PPP2R5D: variants seen among roughly 807,000 people sequenced by gnomAD.
PPP2R5D encodes protein phosphatase 2 regulatory subunit B'delta, also known as serine/threonine-protein phosphatase 2A 56 kDa regulatory subunit delta isoform.
In PPP2R5D, 12 loss-of-function variants were observed where a neutral mutation model predicts 79.1. The observed-to-expected ratio is 0.15, with a 90% CI of 0.10 to 0.25. The LOEUF (loss-of-function observed/expected upper bound fraction) is 0.25, where lower values mean the gene tolerates loss of function less well. Ranked by LOEUF, PPP2R5D falls within the 10% of genes least tolerant of loss-of-function variation. The pLI, the probability that PPP2R5D is intolerant of heterozygous loss-of-function variation, is 1.00. For synonymous variants in PPP2R5D, 277 were observed against 286.6 expected, an observed-to-expected ratio of 0.97 and a Z score of 0.34; for missense variants, 419 against 760.2, an observed-to-expected ratio of 0.55 and a Z score of 5.28.
chr6:42,984,802 C>A, intron 1 of PPP2R5D, 98 bp downstream of exon 1: 1 of 1,541,726 alleles, frequency 6.5e-7, no homozygotes, highest in Non-Finnish European at 8.7e-7. Context: ...GACTGACCCT[C>A]CCGTCCAGCC....
rs1762290368 is a variant in PPP2R5D, at chr6:43,010,317, C to T, written c.1380-151C>T. The stretch of plus-strand genomic sequence containing the variant: ...CTCAAACCAGGTGATTTGGCCAGAG[C>T]TCTCTTCTGATACTGCACAGAGGTT... On this transcript the variant is annotated intron_variant, in intron 12 of 15. Transcript: ENST00000485511. The surrounding 1 kb of genome is among the most constrained non-coding windows in gnomAD (Gnocchi z 4.7). 1.6e-6 allele frequency: 1 copy of T among 643,444 alleles called. No individual in the cohort carries two copies. The highest frequency in any genetic ancestry group is 2.7e-5 in the Admixed American group (1 of 36,440). The allele number at this position is 643,444 out of a possible 1,614,324, so 39.9% of individuals were successfully genotyped here.
chr6:43,000,233 C>T (rs1011974080), intron 2 of PPP2R5D, among the ~76,000 whole-genome samples: 4 of 106,148 alleles, frequency 3.8e-5, no homozygotes, highest in Non-Finnish European at 7.1e-5. Context: ...CACGTCTGGC[C>T]ACCTTTTTTT....
intron 2 of PPP2R5D, among the ~76,000 whole-genome samples, chr6:42,992,913 C>A (rs1241185240): frequency 6.6e-6 from 1 of 152,190 alleles, no homozygotes. Flanking sequence ...GTAATCCCAG[C>A]ACTTTGGGAG....
At chr6:43,001,836 G>A (rs937854217) in intron 2 of PPP2R5D, among the ~76,000 whole-genome samples, 4 of 150,446 alleles carry the variant, frequency 2.7e-5, no homozygotes, top group African/African-American at 7.4e-5. Context: ...GCAGTGAGCT[G>A]AGATTGCGCC....
intron 2 of PPP2R5D, among the ~76,000 whole-genome samples, chr6:42,997,159 C>G (rs1036308474): frequency 2.0e-5 from 3 of 151,762 alleles, no homozygotes; most frequent in Admixed American, 1.3e-4. Flanking sequence ...CCACGCCCGG[C>G]TAAATTTTGT....
chr6:43,006,790 G>A lies in PPP2R5D; in HGVS notation c.322+111G>A, dbSNP rs1354936391. On this transcript the variant is annotated intron_variant, in intron 3 of 15. Transcript: ENST00000485511. This position sits in a 1 kb window ranked among gnomAD's most constrained non-coding sequence, Gnocchi z 4.7. ...CGGGGAAGGGAGTTCCAGAGAATGC[G>A]GGAAGGGGGTGCCAGGGAGCAGGAT... 9.5e-6 allele frequency: 15 copies of A among 1,571,960 alleles called. No homozygotes were observed. Among genetic ancestry groups the A allele is most frequent in the South Asian group, 1.2e-5 (1 of 86,618 alleles).
Position 43,007,917 on chromosome 6 carries a change from C to T in PPP2R5D, c.727-18C>T, listed in dbSNP as rs964072870. The T allele has an allele frequency of 1.2e-6, 2 of 1,613,014 alleles. No homozygotes were observed. Among genetic ancestry groups the T allele is most frequent in the Admixed American group, 1.7e-5 (1 of 60,008 alleles). Reference sequence around the variant, plus strand: ...GGCTGCTGCCTCACTGGCTGCTTTCCCTCCCTTGTACCCCCAGCTCCTAGA... The same window carrying T: ...GGCTGCTGCCTCACTGGCTGCTTTCTCTCCCTTGTACCCCCAGCTCCTAGA... On this transcript the variant is annotated intron_variant, in intron 6 of 15. Transcript: ENST00000485511. The surrounding 1 kb of genome is among the most constrained non-coding windows in gnomAD (Gnocchi z 4.5).
At position 42,984,636 on chromosome 6, in the gene PPP2R5D, G is replaced by C. The variant is rs1178632368; in HGVS notation, c.-42G>C. ...GTGCGGCCGAGCAAAGCCGGAGCCG[G>C]AGCGGGGCCGCAGGAGACGGGCCGG... On this transcript the variant is annotated 5_prime_UTR_variant, in exon 1 of 16. Coordinates refer to ENST00000485511, the MANE Select transcript of PPP2R5D (RefSeq NM_006245.4). The C allele has an allele frequency of 6.3e-7, 1 of 1,577,906 alleles. No homozygotes were observed. Among genetic ancestry groups the C allele is most frequent in the Non-Finnish European group, 8.6e-7 (1 of 1,163,984 alleles).
At chr6:42,991,676 G>A (rs1561839664) in intron 2 of PPP2R5D, among the ~76,000 whole-genome samples, 3 of 152,190 alleles carry the variant, frequency 2.0e-5, no homozygotes, top group Non-Finnish European at 2.9e-5. Flanking sequence ...ATGAGTGAAC[G>A]AGTGAATGAA....
chr6:43,001,757 C>T (rs1359439484), intron 2 of PPP2R5D, among the ~76,000 whole-genome samples: 2 of 151,662 alleles, frequency 1.3e-5, no homozygotes, highest in South Asian at 2.1e-4. Flanking sequence ...CGTGGTGGCA[C>T]GCACCTGTAA....
chr6:42,989,044 T>G (rs993333394), intron 1 of PPP2R5D, among the ~76,000 whole-genome samples: 6 of 152,240 alleles, frequency 3.9e-5, no homozygotes, highest in Admixed American at 3.9e-4. Context: ...GAGGTGCTCT[T>G]GGCATTTTGA....
In PPP2R5D at chr6:43,012,051, A is replaced by C; in HGVS notation, c.*765A>C. ...TGCTTTTCTGTGCTGTTGGTTCCCA[A>C]AACTAGAAAGAAGGAAGCAGGGAGC... is the stretch of plus-strand genomic sequence containing the variant. On this transcript the variant is annotated 3_prime_UTR_variant, in exon 16 of 16. Coordinates refer to ENST00000485511, the MANE Select transcript of PPP2R5D (RefSeq NM_006245.4). 1 of 338,228 alleles carries C rather than the reference A, an allele frequency of 3.0e-6. No homozygotes were observed. Among genetic ancestry groups the C allele is most frequent in the South Asian group, 1.2e-4 (1 of 8,402 alleles). The allele number at this position is 338,228 out of a possible 1,614,324, so 21.0% of individuals were successfully genotyped here.
At chr6:43,002,367 G>A (rs1275424969) in intron 2 of PPP2R5D, among the ~76,000 whole-genome samples, 4 of 152,198 alleles carry the variant, frequency 2.6e-5, no homozygotes, top group Admixed American at 6.5e-5. Context: ...GTTTCACCAT[G>A]TTGGCCAGGC....
chr6:43,005,259 ATTTC>A (rs1762010178), intron 2 of PPP2R5D, among the ~76,000 whole-genome samples: 1 of 150,876 alleles, frequency 6.6e-6, no homozygotes, highest in African/African-American at 2.4e-5. Flanking sequence ...ATGGGAATGA[ATTTC>A]TTTCTTTTAC....
Position 43,007,470 on chromosome 6 carries a change from A to G in PPP2R5D, c.690A>G (p.Ile230Met). The change falls in exon 6 of 16, where the codon ATA becomes ATG. Residue 230 changes from isoleucine (I) to methionine (M), a missense_variant. Coordinates refer to ENST00000485511, the MANE Select transcript of PPP2R5D (RefSeq NM_006245.4). The surrounding 1 kb of genome is among the most constrained non-coding windows in gnomAD (Gnocchi z 4.5). ...AGTCTCCTGATTTCCAGCCAAACAT[A>G]GCCAAGAAGTACATCGACCAGAAGT... Reference protein sequence around the residue: ...FLESPDFQPNIAKKYIDQKFV... With the variant: ...FLESPDFQPNMAKKYIDQKFV... The G allele has an allele frequency of 6.2e-7, 1 of 1,613,712 alleles. No individual in the cohort carries two copies. The highest frequency in any genetic ancestry group is 8.5e-7 in the Non-Finnish European group (1 of 1,179,636).
At chr6:43,003,740 ATT>A (rs1761903970) in intron 2 of PPP2R5D, among the ~76,000 whole-genome samples, 2 of 151,304 alleles carry the variant, frequency 1.3e-5, no homozygotes, top group Non-Finnish European at 2.9e-5. Flanking sequence ...GTATGTATGT[ATT>A]TATTTATTTT....
chr6:42,991,505 T>C (rs1035500846), intron 2 of PPP2R5D, among the ~76,000 whole-genome samples: 12 of 152,296 alleles, frequency 7.9e-5, no homozygotes, highest in Middle Eastern at 3.4e-3. Flanking sequence ...CTGGTAGCGC[T>C]GGTAGCACCT....
At chr6:43,002,220 A>G (rs113306490) in intron 2 of PPP2R5D, among the ~76,000 whole-genome samples, 4,208 of 151,266 alleles carry the variant, frequency 0.028, 185 homozygotes, top group African/African-American at 0.095. Context: ...CTGGGGTGCA[A>G]TGGCATGATC....
chr6:42,984,781 G>A, intron 1 of PPP2R5D, 77 bp downstream of exon 1: 1 of 1,600,260 alleles, frequency 6.2e-7, no homozygotes, highest in Non-Finnish European at 8.5e-7. Flanking sequence ...GCCAGGCCCG[G>A]GACAGCCCCA....
Sources: allele counts gnomAD v4.1 joint callset (sites outside exome capture counted in the v4.1 genomes callset), GRCh38; gene constraint gnomAD v4.1.1; non-coding constraint Gnocchi (gnomAD v3.1); transcripts MANE v1.5; gene names NCBI Gene and HGNC (gene_info 2026-07-23, HGNC 2026-07-21).